The following TMEM131 variants were observed in gnomAD, a reference collection of about 807,000 sequenced individuals.
TMEM131 encodes the protein transmembrane protein 131, also known as 2610524E03Rik.
A neutral mutation model predicts 211.6 loss-of-function variants in TMEM131; 66 were observed. The ratio of observed to expected loss-of-function variants is 0.31; its 90% CI spans 0.26 to 0.38. The LOEUF (loss-of-function observed/expected upper bound fraction) is 0.38. TMEM131 is among the 10% of genes least tolerant of loss of function. The pLI is 1.00. For synonymous variants in TMEM131, 844 were observed against 841.3 expected, an observed-to-expected ratio of 1.00 and a Z score of -0.06; for missense variants, 2,036 against 2,299.3, an observed-to-expected ratio of 0.89 and a Z score of 2.34.
At chr2:97,766,031 C>T (rs532733155) in intron 35 of TMEM131, 83 bp downstream of exon 35, 2 of 1,535,954 alleles carry the variant, frequency 1.3e-6, no homozygotes, top group Middle Eastern at 1.9e-4. Context: ...TTTAAAGCAA[C>T]ATGCCCCTGA....
rs755418307 is a variant in TMEM131, at chr2:97,814,111, G to A, written c.1477C>T (p.Leu493Phe). The stretch of plus-strand genomic sequence containing the variant: ...AAAATGTATCCTGATTCATTAGGAA[G>A]AATTAAGACTGGTTTGCTGAAGTTG... ...VHNFSKPVLI[L>F]PNESGYIFTL... Residue 493 changes from leucine to phenylalanine, a missense_variant, in exon 15 of 41, where the codon CTT (leucine) becomes TTT (phenylalanine). Transcript: ENST00000186436. 2 of 1,610,080 alleles carry A rather than the reference G, an allele frequency of 1.2e-6. No individual in the cohort carries two copies. The highest frequency in any genetic ancestry group is 1.7e-6 in the Non-Finnish European group (2 of 1,177,742).
chr2:97,995,394 CTTCCTCCCGGCCCA>C, intron 1 of TMEM131, 68 bp downstream of exon 1: 1 of 1,255,350 alleles, frequency 8.0e-7, no homozygotes, highest in Non-Finnish European at 1.0e-6. Flanking sequence ...GGCCGCGGCC[CTTCCTCCCGGCCCA>C]GCCCTCCCGG....
chr2:97,762,276 C>G, intron 35 of TMEM131, 76 bp from the exon 36 acceptor site: 7 of 1,443,406 alleles, frequency 4.8e-6, no homozygotes, highest in Non-Finnish European at 6.7e-6. Flanking sequence ...TGAATGTTCT[C>G]TAAGACTATG....
chr2:97,972,762 G>A (rs1436935423), intron 1 of TMEM131, among the ~76,000 whole-genome samples: 6 of 152,230 alleles, frequency 3.9e-5, no homozygotes, highest in Non-Finnish European at 5.9e-5. Flanking sequence ...GTGGAAGAGG[G>A]AGGCAGAAGA....
chr2:97,901,652 G>A (rs550012085), intron 3 of TMEM131, among the ~76,000 whole-genome samples: 1 of 152,288 alleles, frequency 6.6e-6, no homozygotes, highest in East Asian at 1.9e-4. Context: ...TGGAACTGGA[G>A]TTTATGTTAA....
chr2:97,932,015 A>C (rs546828728), intron 1 of TMEM131, among the ~76,000 whole-genome samples: 1 of 151,866 alleles, frequency 6.6e-6, no homozygotes, highest in South Asian at 2.1e-4. Flanking sequence ...GCAAGTCTGA[A>C]AAACATAAGA....
intron 3 of TMEM131, among the ~76,000 whole-genome samples, chr2:97,891,739 T>G (rs371326178): frequency 7.9e-5 from 12 of 152,294 alleles, no homozygotes; most frequent in African/African-American, 2.9e-4. Flanking sequence ...AGATACTCTT[T>G]GGCCCAGCAT....
chr2:97,977,382 T>C lies in TMEM131; in HGVS notation c.187+18094A>G, dbSNP rs554302863. On this transcript the variant is annotated intron_variant, in intron 1 of 40. Coordinates refer to ENST00000186436, the MANE Select transcript of TMEM131 (RefSeq NM_015348.2). ...AAGACACTTTACCAAATGAGATATA[T>C]GGATGGCAAATAAGCACATGAAAAG... Among the ~76,000 whole-genome samples, 9 of 152,296 alleles carry C rather than the reference T, an allele frequency of 5.9e-5. 1 individual carries two copies. In the South Asian group the frequency reaches 1.2e-3, roughly 21 times the overall value.
chr2:97,857,788 G>A (rs1013246747), intron 5 of TMEM131, among the ~76,000 whole-genome samples: 2 of 152,180 alleles, frequency 1.3e-5, no homozygotes, highest in African/African-American at 4.8e-5. Flanking sequence ...CTGCATGACT[G>A]GAACAGGCCT....
intron 2 of TMEM131, among the ~76,000 whole-genome samples, chr2:97,919,943 T>TG: frequency 6.6e-6 from 1 of 152,340 alleles, no homozygotes; most frequent in Middle Eastern, 3.4e-3. Flanking sequence ...CATTCAGTTG[T>TG]GAAAAACACT....
intron 4 of TMEM131, among the ~76,000 whole-genome samples, chr2:97,874,118 A>G (rs995528064): frequency 6.6e-6 from 1 of 152,216 alleles, no homozygotes; most frequent in African/African-American, 2.4e-5. Context: ...GGAAGAAAGG[A>G]TATCAGTGAT....
chr2:97,893,255 T>C (rs1401884851), intron 3 of TMEM131, among the ~76,000 whole-genome samples: 1 of 152,234 alleles, frequency 6.6e-6, no homozygotes, highest in Non-Finnish European at 1.5e-5. Context: ...TATTCCATGG[T>C]GTATATGTGC....
At chr2:97,770,259 A>G (rs1480712796) in intron 33 of TMEM131, among the ~76,000 whole-genome samples, 1 of 152,214 alleles carries the variant, frequency 6.6e-6, no homozygotes, top group Admixed American at 6.5e-5. Context: ...TCTTTATTTG[A>G]TTAAATGATT....
chr2:97,993,787 A>G (rs1245823220), intron 1 of TMEM131, among the ~76,000 whole-genome samples: 1 of 152,276 alleles, frequency 6.6e-6, no homozygotes, highest in East Asian at 1.9e-4. Context: ...ATGAGAAATT[A>G]GCAAATATAT....
intron 11 of TMEM131, among the ~76,000 whole-genome samples, chr2:97,830,573 T>C (rs1682629810): frequency 1.3e-5 from 2 of 152,220 alleles, no homozygotes; most frequent in African/African-American, 4.8e-5. Flanking sequence ...TAATAATTTG[T>C]GTATGAGTTC....
At chr2:97,912,008 A>C (rs2104383791) in intron 2 of TMEM131, among the ~76,000 whole-genome samples, 1 of 152,278 alleles carries the variant, frequency 6.6e-6, no homozygotes, top group East Asian at 1.9e-4. Context: ...AATAAGATAA[A>C]CTCAACTGTT....
chr2:97,799,366 G>C (rs1680913688), intron 25 of TMEM131, among the ~76,000 whole-genome samples: 1 of 152,132 alleles, frequency 6.6e-6, no homozygotes, highest in Non-Finnish European at 1.5e-5. Context: ...TATGTAAAAA[G>C]TATTTCTACA....
Position 97,805,380 on chromosome 2 carries a change from G to A in TMEM131, c.2280C>T (p.Ser760=), listed in dbSNP as rs1440229804. ...DHCYVGLPFL[S]KSEPKVQPGV... is the part of the protein sequence containing the mutation. ...GAGAACAGCAAGGTCACTTACATTT[G>A]GATAGAAAAGGCAAGCCAACATAGC... Residue 760 remains serine, a synonymous_variant, in exon 21 of 41, where the codon TCC becomes TCT. Transcript: ENST00000186436. 1 of 1,613,428 alleles carries A rather than the reference G, an allele frequency of 6.2e-7. No homozygotes were observed. The highest frequency in any genetic ancestry group is 8.5e-7 in the Non-Finnish European group (1 of 1,179,542).
At chr2:97,992,846 T>G (rs1176230172) in intron 1 of TMEM131, among the ~76,000 whole-genome samples, 2 of 152,220 alleles carry the variant, frequency 1.3e-5, no homozygotes, top group Non-Finnish European at 2.9e-5. Context: ...CTAGAACTAG[T>G]TATTTGTAGT....
Sources: gnomAD v4.1 joint callset for allele counts (sites outside exome capture counted in the v4.1 genomes callset) on GRCh38, gnomAD v4.1.1 for gene constraint, MANE v1.5 for transcripts, NCBI Gene and HGNC (gene_info 2026-07-23, HGNC 2026-07-21) for gene names.